The following TBC1D5 variants were observed in gnomAD, a reference collection of about 807,000 sequenced individuals.
TBC1D5 encodes the protein TBC1 domain family, member 5.
TBC1D5 carries 75 observed loss-of-function variants against 100.3 expected under a neutral mutation model. The ratio of observed to expected loss-of-function variants is 0.75; its 90% CI spans 0.62 to 0.91. The LOEUF is 0.91. TBC1D5 is among the 40% of genes least tolerant of loss of function. The pLI, the probability that TBC1D5 is intolerant of heterozygous loss-of-function variation, is 0.00. For missense variants in TBC1D5, 910 were observed against 942.4 expected, an observed-to-expected ratio of 0.97 and a Z score of 0.45; for synonymous variants, 323 against 325.6, an observed-to-expected ratio of 0.99 and a Z score of 0.09.
rs1488293207 is a variant in TBC1D5, at chr3:17,690,505, C to T, written c.-101+48838G>A. On this transcript the variant is annotated intron_variant, in intron 1 of 21. Coordinates refer to ENST00000253692, the Ensembl canonical transcript of TBC1D5. Reference sequence around the variant, plus strand: ...TGCTGGGATTACAGGCGTGAGCCACCGCGCCCGGCCTAAAAATAGCCATAT... The same window carrying T: ...TGCTGGGATTACAGGCGTGAGCCACTGCGCCCGGCCTAAAAATAGCCATAT... Among the ~76,000 whole-genome samples, 12 of 29,554 alleles carry T rather than the reference C, an allele frequency of 4.1e-4. 5 individuals carry two copies. Among genetic ancestry groups the T allele is most frequent in the African/African-American group, 1.2e-3 (12 of 10,074 alleles). 19.4% of individuals were successfully genotyped at this position (29,554 alleles called of 152,430 possible).
intron 17 of TBC1D5, among the ~76,000 whole-genome samples, chr3:17,215,363 G>A (rs1415625348): frequency 6.6e-6 from 1 of 152,124 alleles, no homozygotes; most frequent in African/African-American, 2.4e-5. Context: ...AACCCATTAT[G>A]AGTATGAGAG....
intron 2 of TBC1D5, among the ~76,000 whole-genome samples, chr3:17,588,927 G>A (rs2096749625): frequency 6.6e-6 from 1 of 152,132 alleles, no homozygotes; most frequent in Admixed American, 6.5e-5. Context: ...AAATATCCAT[G>A]ATTTCTTGTC....
intron 1 of TBC1D5, among the ~76,000 whole-genome samples, chr3:17,738,148 G>A (rs1577930933): frequency 6.6e-6 from 1 of 152,032 alleles, no homozygotes. Flanking sequence ...ATATTTATTT[G>A]CATTTAATTC....
intron 3 of TBC1D5, among the ~76,000 whole-genome samples, chr3:17,447,444 A>G (rs1345047932): frequency 6.6e-6 from 1 of 152,230 alleles, no homozygotes; most frequent in East Asian, 1.9e-4. Flanking sequence ...AGAGGATGGG[A>G]TCTAGGCCAC....
intron 3 of TBC1D5, among the ~76,000 whole-genome samples, chr3:17,488,615 T>C (rs772357452): frequency 6.6e-6 from 1 of 152,184 alleles, no homozygotes; most frequent in Non-Finnish European, 1.5e-5. Context: ...AGAGTTTCTG[T>C]TGCTCCACAT....
chr3:17,306,902 A>G (rs966228154), intron 14 of TBC1D5, among the ~76,000 whole-genome samples: 16 of 152,156 alleles, frequency 1.1e-4, no homozygotes, highest in African/African-American at 3.9e-4. Context: ...TACGACTTCC[A>G]TGTTCTTAAA....
intron 2 of TBC1D5, among the ~76,000 whole-genome samples, chr3:17,549,992 C>T (rs1199960705): frequency 6.6e-6 from 1 of 151,254 alleles, no homozygotes; most frequent in Non-Finnish European, 1.5e-5. Context: ...TGGCTTCCTA[C>T]TATCCTTTTG....
At chr3:17,678,498 A>C (rs1451980831) in intron 1 of TBC1D5, among the ~76,000 whole-genome samples, 1 of 152,158 alleles carries the variant, frequency 6.6e-6, no homozygotes, top group Admixed American at 6.5e-5. Flanking sequence ...ATTTTTGGAA[A>C]ACAGATGAAT....
intron 3 of TBC1D5, among the ~76,000 whole-genome samples, chr3:17,487,551 A>G (rs1164475172): frequency 6.6e-6 from 1 of 152,208 alleles, no homozygotes; most frequent in Non-Finnish European, 1.5e-5. Flanking sequence ...GATTTGGCCA[A>G]TTCTAGGAGT....
At chr3:17,304,645 A>G (rs1282596803) in intron 14 of TBC1D5, among the ~76,000 whole-genome samples, 1 of 152,154 alleles carries the variant, frequency 6.6e-6, no homozygotes, top group Non-Finnish European at 1.5e-5. Context: ...GGCTCAAGCA[A>G]TTCTCCTGCC....
At chr3:17,666,974 CAGTT>C (rs1211754762) in intron 1 of TBC1D5, among the ~76,000 whole-genome samples, 1 of 151,828 alleles carries the variant, frequency 6.6e-6, no homozygotes, top group Non-Finnish European at 1.5e-5. Flanking sequence ...ATTCACTCAA[CAGTT>C]AGTGAATGTT....
In TBC1D5 at chr3:17,575,924, G is replaced by T. The variant is rs530138807; in HGVS notation, c.-36+47925C>A. Reference sequence around the variant, plus strand: ...ATTTAGAAATTAAATTCTTGGCTTTGTAAACATAATGAATATGCAAATATT... The same window carrying T: ...ATTTAGAAATTAAATTCTTGGCTTTTTAAACATAATGAATATGCAAATATT... On this transcript the variant is annotated intron_variant, in intron 2 of 21. Coordinates refer to ENST00000253692, the Ensembl canonical transcript of TBC1D5. 1.6e-4 allele frequency among the ~76,000 whole-genome samples: 25 copies of T among 152,120 alleles called. No individual in the cohort carries two copies. In the South Asian group the frequency reaches 5.2e-3, roughly 31 times the overall value.
intron 15 of TBC1D5, among the ~76,000 whole-genome samples, chr3:17,275,825 C>CT (rs1233170498): frequency 6.6e-5 from 10 of 152,126 alleles, no homozygotes; most frequent in African/African-American, 2.4e-4. Context: ...TAAGACTACC[C>CT]TTACTGTGAA....
chr3:17,726,382 G>C (rs865883334), intron 1 of TBC1D5, among the ~76,000 whole-genome samples: 1 of 152,028 alleles, frequency 6.6e-6, no homozygotes, highest in Admixed American at 6.5e-5. Context: ...GTTATTTTTT[G>C]ACTTTTTAGT....
intron 14 of TBC1D5, among the ~76,000 whole-genome samples, chr3:17,299,728 G>A (rs977781689): frequency 3.3e-5 from 5 of 151,870 alleles, no homozygotes; most frequent in Non-Finnish European, 5.9e-5. Flanking sequence ...ATGTGGTGGC[G>A]GGCGCCTGTA....
At chr3:17,552,778 T>A (rs2096484960) in intron 2 of TBC1D5, among the ~76,000 whole-genome samples, 1 of 152,000 alleles carries the variant, frequency 6.6e-6, no homozygotes, top group Non-Finnish European at 1.5e-5. Flanking sequence ...CAGAGTTGAG[T>A]GACAAAAAAA....
chr3:17,433,865 C>T (rs181542234), intron 3 of TBC1D5, among the ~76,000 whole-genome samples: 4 of 152,272 alleles, frequency 2.6e-5, no homozygotes, highest in East Asian at 1.9e-4. Flanking sequence ...GCAATACACC[C>T]GCTCCAAATG....
upstream of TBC1D5, among the ~76,000 whole-genome samples, chr3:17,741,783 ATTTGCCCTCCCTGCGAATTTTTTTT>A (rs2077458881): frequency 1.0e-5 from 1 of 98,380 alleles, no homozygotes; most frequent in African/African-American, 3.9e-5. Flanking sequence ...GGGGAGCGGG[ATTTGCCCTCCCTGCGAATTTTTTTT>A]TTTTTTTTTT....
At chr3:17,328,275 TAAA>T (rs201518364) in intron 13 of TBC1D5, among the ~76,000 whole-genome samples, 2 of 142,560 alleles carry the variant, frequency 1.4e-5, no homozygotes, top group African/African-American at 5.1e-5. Flanking sequence ...TCTCTTTATT[TAAA>T]AAAAAAAAAA....
Sources: allele counts gnomAD v4.1 joint callset (sites outside exome capture counted in the v4.1 genomes callset), GRCh38; gene constraint gnomAD v4.1.1; transcripts MANE v1.5; gene names NCBI Gene and HGNC (gene_info 2026-07-23, HGNC 2026-07-21).